Variants in SATB2 observed in about 807,000 individuals in gnomAD.
SATB2 encodes the protein SATB homeobox 2, also known as DNA-binding protein SATB2.
Under a neutral mutation model 73.4 loss-of-function variants are expected in SATB2, and 1 was observed. The observed-to-expected ratio is 0.01, with a 90% CI of 0.00 to 0.06. The LOEUF is 0.06. Ranked by LOEUF, SATB2 falls within the 10% of genes least tolerant of loss-of-function variation. The probability of loss-of-function intolerance (pLI) is 1.00; values close to 1 mark genes in which losing one functional copy is unlikely to be tolerated. For missense variants in SATB2, 459 were observed against 945.8 expected, an observed-to-expected ratio of 0.49 and a Z score of 6.75; for synonymous variants, 397 against 367.0, an observed-to-expected ratio of 1.08 and a Z score of -0.93.
intron 9 of SATB2, among the ~76,000 whole-genome samples, chr2:199,321,313 G>A (rs1043814610): frequency 5.3e-5 from 8 of 150,736 alleles, no homozygotes; most frequent in African/African-American, 9.8e-5. Context: ...ATATATACAC[G>A]TCTATGTATA....
intron 5 of SATB2, among the ~76,000 whole-genome samples, chr2:199,378,191 A>C (rs958962630): frequency 1.3e-5 from 2 of 152,158 alleles, no homozygotes; most frequent in African/African-American, 4.8e-5. Flanking sequence ...TCATATCTAC[A>C]ATTATAACCA....
intron 2 of SATB2, among the ~76,000 whole-genome samples, chr2:199,452,742 T>G (rs1208022970): frequency 6.6e-6 from 1 of 152,086 alleles, no homozygotes; most frequent in Admixed American, 6.5e-5. Context: ...TCTCCTAGCC[T>G]TCATATGTTT....
At chr2:199,332,379 G>A (rs1688213780) in intron 7 of SATB2, among the ~76,000 whole-genome samples, 1 of 152,078 alleles carries the variant, frequency 6.6e-6, no homozygotes, top group African/African-American at 2.4e-5. Flanking sequence ...GGAAAAAGAA[G>A]GAAGTTGGCC....
At chr2:199,278,022 T>C (rs1559138772) in intron 10 of SATB2, among the ~76,000 whole-genome samples, 1 of 152,086 alleles carries the variant, frequency 6.6e-6, no homozygotes, top group Non-Finnish European at 1.5e-5. Flanking sequence ...AACAAAGTCT[T>C]TAGAGTAGAG....
In SATB2 at chr2:199,387,927, A is replaced by G. The variant is rs187656366; in HGVS notation, c.347-6107T>C. On this transcript the variant is annotated intron_variant, in intron 3 of 10. Transcript: ENST00000417098. Reference sequence around the variant, plus strand: ...GCCAGAGTTAAAGAGCTGACATTTCACCAAAAGAAATATCAATAGTTGTTT... The same window carrying G: ...GCCAGAGTTAAAGAGCTGACATTTCGCCAAAAGAAATATCAATAGTTGTTT... Among the ~76,000 whole-genome samples, 228 of 152,358 alleles carry G rather than the reference A, an allele frequency of 1.5e-3. 1 individual carries two copies. The highest frequency in any genetic ancestry group is 5.4e-3 in the South Asian group (26 of 4,832).
intron 10 of SATB2, among the ~76,000 whole-genome samples, chr2:199,278,156 C>G (rs916159377): frequency 1.1e-4 from 17 of 152,134 alleles, no homozygotes; most frequent in African/African-American, 4.1e-4. Context: ...CCTACAGAGG[C>G]AGCATTGGAG....
intron 3 of SATB2, among the ~76,000 whole-genome samples, chr2:199,401,250 G>GA (rs1443184782): frequency 6.6e-6 from 1 of 152,022 alleles, no homozygotes; most frequent in Non-Finnish European, 1.5e-5. Flanking sequence ...TGCTAGGAAT[G>GA]AAAATAATAG....
chr2:199,314,344 A>AGCTGATGTTTTAAATTATTT (rs1192453240), intron 9 of SATB2, among the ~76,000 whole-genome samples: 1 of 151,336 alleles, frequency 6.6e-6, no homozygotes, highest in African/African-American at 2.5e-5. Flanking sequence ...CAAATTCAGA[A>AGCTGATGTTTTAAATTATTT]AGTTATTGTT....
upstream of SATB2, chr2:199,467,371 A>G (rs1323804533): frequency 6.6e-6 from 1 of 152,288 alleles, no homozygotes; most frequent in Non-Finnish European, 1.5e-5. Context: ...GTCTTTTCCA[A>G]GGAGCTTTTA....
chr2:199,395,478 T>G lies in SATB2; in HGVS notation c.347-13658A>C, dbSNP rs1176764021. Among the ~76,000 whole-genome samples the G allele has an allele frequency of 6.6e-5, 10 of 152,158 alleles. No homozygotes were observed. In the East Asian group the frequency reaches 1.7e-3, roughly 26 times the overall value. ...CATTTCTTTATCAGTTTGTGGTTCT[T>G]GCACACTTGGACACATCTCAAAACT... On this transcript the variant is annotated intron_variant, in intron 3 of 10. Transcript: ENST00000417098.
chr2:199,309,811 T>A (rs1483238102), intron 9 of SATB2, among the ~76,000 whole-genome samples: 1 of 152,298 alleles, frequency 6.6e-6, no homozygotes, highest in East Asian at 1.9e-4. Context: ...CTGTCCCACA[T>A]CATGTCTCTT....
At chr2:199,368,428 A>C (rs1280471090) in intron 6 of SATB2, among the ~76,000 whole-genome samples, 177 bp downstream of exon 6, 1 of 152,154 alleles carries the variant, frequency 6.6e-6, no homozygotes, top group Non-Finnish European at 1.5e-5. Flanking sequence ...TTTACTTCAA[A>C]TATCTTCTTA....
At chr2:199,302,003 T>C (rs1430723553) in intron 10 of SATB2, among the ~76,000 whole-genome samples, 1 of 152,186 alleles carries the variant, frequency 6.6e-6, no homozygotes, top group Non-Finnish European at 1.5e-5. Context: ...TTTCATGAAG[T>C]TCTAGCATCC....
intron 3 of SATB2, among the ~76,000 whole-genome samples, chr2:199,401,000 C>T (rs934065983): frequency 1.3e-5 from 2 of 152,154 alleles, no homozygotes; most frequent in African/African-American, 4.8e-5. Flanking sequence ...TCAACTAATT[C>T]AATCAGGTGT....
intron 2 of SATB2, among the ~76,000 whole-genome samples, chr2:199,454,798 T>G (rs963589649): frequency 1.3e-5 from 2 of 152,210 alleles, no homozygotes; most frequent in African/African-American, 4.8e-5. Flanking sequence ...TTTTTAGATG[T>G]AAGTAACTAT....
At chr2:199,427,255 A>C (rs1691364215) in intron 3 of SATB2, among the ~76,000 whole-genome samples, 1 of 152,192 alleles carries the variant, frequency 6.6e-6, no homozygotes, top group Non-Finnish European at 1.5e-5. Context: ...GCAAACAAAA[A>C]TTCTGAATTA....
chr2:199,459,600 C>T (rs1692417450), upstream of SATB2: 1 of 152,860 alleles, frequency 6.5e-6, no homozygotes, highest in South Asian at 2.1e-4. The surrounding 1 kb of genome is among the most constrained non-coding windows in gnomAD (Gnocchi z 4.2). Context: ...GGTTGCACCT[C>T]ATGTCCCTCC....
At position 199,433,378 on chromosome 2, in the gene SATB2, C is replaced by T. The variant is rs201405384; in HGVS notation, c.306G>A (p.Leu102=). 94 of 1,614,140 alleles carry T rather than the reference C, an allele frequency of 5.8e-5. No homozygotes were observed. In the Admixed American group the frequency reaches 1.5e-3, roughly 27 times the overall value. Residue 102 remains leucine (L), a synonymous_variant, in exon 3 of 11, where the codon CTG becomes CTA. Transcript: ENST00000417098. ...CAGAGCTGTGAGAATACCCCAGGGCCAGGAGCGCAGTCTCCACCAGCTGGC... is the reference window on the plus strand; with the variant it reads ...CAGAGCTGTGAGAATACCCCAGGGCTAGGAGCGCAGTCTCCACCAGCTGGC... ...LFSQLVETAL[L]ALGYSHSSAA...
intron 2 of SATB2, among the ~76,000 whole-genome samples, chr2:199,436,692 A>G (rs1691662267): frequency 6.6e-6 from 1 of 152,176 alleles, no homozygotes; most frequent in Non-Finnish European, 1.5e-5. Flanking sequence ...ACTAATGACA[A>G]TAACAAGAGA....
Sources: allele counts gnomAD v4.1 joint callset (sites outside exome capture counted in the v4.1 genomes callset), GRCh38; gene constraint gnomAD v4.1.1; non-coding constraint Gnocchi (gnomAD v3.1); transcripts MANE v1.5; gene names NCBI Gene and HGNC (gene_info 2026-07-23, HGNC 2026-07-21).